The following TTC8 variants were observed in gnomAD, a reference collection of about 807,000 sequenced individuals.
The protein encoded by TTC8 is tetratricopeptide repeat domain 8.
In TTC8, 47 loss-of-function variants were observed where a neutral mutation model predicts 72.5. The ratio of observed to expected loss-of-function variants is 0.65; its 90% confidence interval spans 0.51 to 0.83. The LOEUF (loss-of-function observed/expected upper bound fraction) is 0.83, where lower values mean the gene tolerates loss of function less well. Among genes scored for constraint, TTC8 ranks in the 40% least tolerant of loss-of-function variants. TTC8 has a pLI of 0.00. For synonymous variants in TTC8, 199 were observed against 221.4 expected, an observed-to-expected ratio of 0.90 and a Z score of 0.90; for missense variants, 611 against 623.2, an observed-to-expected ratio of 0.98 and a Z score of 0.21.
At chr14:88,851,454 A>C (rs1456298362) in intron 7 of TTC8, among the ~76,000 whole-genome samples, 1 of 152,174 alleles carries the variant, frequency 6.6e-6, no homozygotes, top group Non-Finnish European at 1.5e-5. Flanking sequence ...AAGACATAAA[A>C]AATTTTTGCA....
chr14:88,846,297 A>C (rs1367391241), intron 7 of TTC8, among the ~76,000 whole-genome samples: 1 of 152,080 alleles, frequency 6.6e-6, no homozygotes, highest in African/African-American at 2.4e-5. Flanking sequence ...ACTGCACTCC[A>C]GTTTGGGTGA....
chr14:88,839,831 G>A (rs2094771805), intron 3 of TTC8, among the ~76,000 whole-genome samples: 1 of 152,068 alleles, frequency 6.6e-6, no homozygotes, highest in Non-Finnish European at 1.5e-5. Flanking sequence ...TCTGATACAA[G>A]CTATATTATG....
intron 10 of TTC8, among the ~76,000 whole-genome samples, chr14:88,862,087 A>G (rs776015778): frequency 2.3e-4 from 35 of 152,062 alleles, no homozygotes; most frequent in Non-Finnish European, 2.9e-4. Flanking sequence ...ACTACTTTAC[A>G]TTCCCATCAA....
At chr14:88,838,239 ATATTTCACC>A (rs2094762327) in intron 2 of TTC8, among the ~76,000 whole-genome samples, 1 of 152,160 alleles carries the variant, frequency 6.6e-6, no homozygotes, top group Non-Finnish European at 1.5e-5. Flanking sequence ...GTCACCTGTC[ATATTTCACC>A]CAGTAGGTGA....
intron 1 of TTC8, among the ~76,000 whole-genome samples, chr14:88,826,729 G>A (rs2094703232): frequency 6.6e-6 from 1 of 152,136 alleles, no homozygotes; most frequent in Non-Finnish European, 1.5e-5. Flanking sequence ...AACCTTTGAT[G>A]TGCCAGACAT....
At chr14:88,854,354 A>G (rs2094846786) in intron 8 of TTC8, among the ~76,000 whole-genome samples, 1 of 152,210 alleles carries the variant, frequency 6.6e-6, no homozygotes, top group Non-Finnish European at 1.5e-5. Context: ...TTTATGACAT[A>G]TTCAGTATTC....
intron 6 of TTC8, 72 bp downstream of exon 6, chr14:88,841,586 G>C: frequency 7.8e-7 from 1 of 1,283,836 alleles, no homozygotes; most frequent in South Asian, 1.2e-5. Context: ...ATTAGAAAAT[G>C]AATAAAAACT....
intron 10 of TTC8, among the ~76,000 whole-genome samples, chr14:88,861,642 C>G (rs2094886377): frequency 6.6e-6 from 1 of 152,062 alleles, no homozygotes; most frequent in African/African-American, 2.4e-5. Context: ...CTCCAGTCTC[C>G]CCACACCCTT....
upstream of TTC8, chr14:88,824,556 T>C (rs2094689039): frequency 1.6e-6 from 1 of 617,818 alleles, no homozygotes; most frequent in East Asian, 2.8e-5. Flanking sequence ...CGGTTGTTTT[T>C]CTTTTTCCTG....
At chr14:88,874,303 A>T (rs1332113373) in intron 13 of TTC8, among the ~76,000 whole-genome samples, 1 of 152,170 alleles carries the variant, frequency 6.6e-6, no homozygotes, top group African/African-American at 2.4e-5. Flanking sequence ...GGTCATGGAT[A>T]GAAGTTTTAG....
At chr14:88,859,201 A>G (rs2094871888) in intron 9 of TTC8, among the ~76,000 whole-genome samples, 1 of 152,106 alleles carries the variant, frequency 6.6e-6, no homozygotes, top group African/African-American at 2.4e-5. Flanking sequence ...GTTCTATCAC[A>G]ATGACACATG....
intron 7 of TTC8, among the ~76,000 whole-genome samples, chr14:88,848,880 A>G (rs2094820728): frequency 6.6e-6 from 1 of 152,130 alleles, no homozygotes; most frequent in Non-Finnish European, 1.5e-5. Context: ...GTCTAACTTT[A>G]CCTTTGTTTT....
intron 7 of TTC8, among the ~76,000 whole-genome samples, chr14:88,850,287 A>G (rs943499151): frequency 2.0e-5 from 3 of 152,210 alleles, no homozygotes; most frequent in Non-Finnish European, 4.4e-5. Context: ...TAATTCAGTC[A>G]ACAGATAGTT....
intron 6 of TTC8, 174 bp downstream of exon 6, chr14:88,841,688 A>C (rs1169003742): frequency 1.5e-6 from 1 of 650,738 alleles, no homozygotes; most frequent in East Asian, 2.7e-5. Context: ...AAGGAAGGTC[A>C]GTCAGAAATA....
upstream of TTC8, chr14:88,824,557 C>A: frequency 3.1e-5 from 19 of 605,774 alleles, no homozygotes; most frequent in East Asian, 5.7e-5. Context: ...GGTTGTTTTT[C>A]TTTTTCCTGT....
In TTC8 at chr14:88,871,748, T is replaced by C. The variant is rs1341044271; in HGVS notation, c.1224+25T>C. The C allele has an allele frequency of 6.2e-7, 1 of 1,613,732 alleles. No homozygotes were observed. The highest frequency in any genetic ancestry group is 1.3e-5 in the African/African-American group (1 of 74,916). The stretch of plus-strand genomic sequence containing the variant: ...GGTATGTTGTCTTACTGATATAATT[T>C]CTGTTATAGAAAGTTGGTTTGAGCC... On this transcript the variant is annotated intron_variant, in intron 12 of 14. Transcript: ENST00000380656. This position sits in a 1 kb window ranked among gnomAD's most constrained non-coding sequence, Gnocchi z 4.1.
rs1218335544 is a variant in TTC8, at chr14:88,871,187, A to G, written c.1050-362A>G. ...ATGCTAAACGCAGTCCTCAAATTAG[A>G]TTAGGTTTTAGGAATTTACCCTATG... is the stretch of plus-strand genomic sequence containing the variant. On this transcript the variant is annotated intron_variant, in intron 11 of 14. Coordinates refer to ENST00000380656, the MANE Select transcript of TTC8 (RefSeq NM_144596.4). This position sits in a 1 kb window ranked among gnomAD's most constrained non-coding sequence, Gnocchi z 4.1. Among the ~76,000 whole-genome samples, 2 of 152,200 alleles carry G rather than the reference A, an allele frequency of 1.3e-5. No homozygotes were observed. Among genetic ancestry groups the G allele is most frequent in the Non-Finnish European group, 2.9e-5 (2 of 68,042 alleles).
chr14:88,852,917 G>T, intron 7 of TTC8, 54 bp from the exon 8 acceptor site: 3 of 1,424,374 alleles, frequency 2.1e-6, no homozygotes, highest in South Asian at 1.2e-5. Context: ...TTATTTTCCT[G>T]ACTGCTTATT....
Position 88,824,764 on chromosome 14 carries a change from G to T in TTC8, c.57G>T (p.Lys19Asn). ...CCTGGAGCTATTTTAGGCGCAGGAAGTTCCAGCTCTGCGCCGATCTATGCA... is the reference window on the plus strand; with the variant it reads ...CCTGGAGCTATTTTAGGCGCAGGAATTTCCAGCTCTGCGCCGATCTATGCA... Reference protein sequence around the residue: ...LLAWSYFRRRKFQLCADLCTQ... With the variant: ...LLAWSYFRRRNFQLCADLCTQ... Residue 19 changes from lysine (K) to asparagine (N), a missense_variant, in exon 1 of 15, where the codon AAG (lysine) becomes AAT (asparagine). Coordinates refer to ENST00000380656, the MANE Select transcript of TTC8 (RefSeq NM_144596.4). 2 of 1,613,354 alleles carry T rather than the reference G, an allele frequency of 1.2e-6. No homozygotes were observed. The highest frequency in any genetic ancestry group is 1.7e-6 in the Non-Finnish European group (2 of 1,179,766).
Sources: gnomAD v4.1 joint callset for allele counts (sites outside exome capture counted in the v4.1 genomes callset) on GRCh38, gnomAD v4.1.1 for gene constraint, Gnocchi (gnomAD v3.1) non-coding constraint, MANE v1.5 for transcripts, NCBI Gene and HGNC (gene_info 2026-07-23, HGNC 2026-07-21) for gene names.